The following PRKCE variants were observed in gnomAD, a reference collection of about 807,000 sequenced individuals.
PRKCE encodes protein kinase C epsilon type.
In PRKCE, 16 loss-of-function variants were observed where a neutral mutation model predicts 85.4. The ratio of observed to expected loss-of-function variants is 0.19; its 90% CI spans 0.13 to 0.28. The LOEUF is 0.28. PRKCE is among the 10% of genes least tolerant of loss of function. The pLI, the probability that PRKCE is intolerant of heterozygous loss-of-function variation, is 1.00. For missense variants in PRKCE, 573 were observed against 975.2 expected (o/e 0.59, Z 5.49); for synonymous variants, 388 against 371.5 (o/e 1.04, Z -0.51).
chr2:46,173,839 G>A (rs191477763), intron 14 of PRKCE, among the ~76,000 whole-genome samples: 2 of 152,370 alleles, frequency 1.3e-5, no homozygotes, highest in Admixed American at 6.5e-5. Context: ...GCTGAGTGTA[G>A]GGGAGGAGGT....
intron 2 of PRKCE, among the ~76,000 whole-genome samples, chr2:45,932,191 C>G (rs941246879): frequency 5.9e-5 from 9 of 152,306 alleles, no homozygotes; most frequent in Admixed American, 3.9e-4. Flanking sequence ...ACAGTGTATA[C>G]TGTTGTGTCT....
chr2:45,934,676 G>T (rs1699299192), intron 2 of PRKCE, among the ~76,000 whole-genome samples: 1 of 151,332 alleles, frequency 6.6e-6, no homozygotes, highest in Non-Finnish European at 1.5e-5. Flanking sequence ...CTGCTAAATT[G>T]TGTGAGAAAA....
chr2:45,661,929 A>C (rs1179443809), intron 1 of PRKCE, among the ~76,000 whole-genome samples: 2 of 152,222 alleles, frequency 1.3e-5, no homozygotes, highest in East Asian at 3.9e-4. Context: ...TCCTTTTTGA[A>C]TAGATTTGTT....
chr2:45,999,371 G>A (rs899993266), intron 6 of PRKCE, among the ~76,000 whole-genome samples: 1 of 152,110 alleles, frequency 6.6e-6, no homozygotes, highest in Non-Finnish European at 1.5e-5. Context: ...CTAGGGTGGT[G>A]GGGTTTTTAT....
chr2:45,846,994 T>A lies in PRKCE; in HGVS notation c.412+3931T>A, dbSNP rs72872468. On this transcript the variant is annotated intron_variant, in intron 2 of 14. Coordinates refer to ENST00000306156, the MANE Select transcript of PRKCE (RefSeq NM_005400.3). Reference sequence around the variant, plus strand: ...CAGGGAAACTGTTCAAGGACAGGTTTCTGACGCTGGGGTGGGACATGTTCA... The same window carrying A: ...CAGGGAAACTGTTCAAGGACAGGTTACTGACGCTGGGGTGGGACATGTTCA... Among the ~76,000 whole-genome samples, 536 of 152,312 alleles carry A rather than the reference T, an allele frequency of 3.5e-3. 4 individuals carry two copies. The highest frequency in any genetic ancestry group is 0.012 in the African/African-American group (518 of 41,556).
intron 2 of PRKCE, among the ~76,000 whole-genome samples, chr2:45,930,623 A>T (rs1393812910): frequency 6.6e-6 from 1 of 152,084 alleles, no homozygotes; most frequent in Non-Finnish European, 1.5e-5. Context: ...CTCATCATGA[A>T]CTCTGCTGCC....
chr2:46,024,284 C>G (rs1393307509), intron 10 of PRKCE, among the ~76,000 whole-genome samples: 1 of 151,868 alleles, frequency 6.6e-6, no homozygotes, highest in Non-Finnish European at 1.5e-5. Context: ...AAAACAGACC[C>G]TCTGCTTCCT....
chr2:45,777,737 C>T (rs1685862728), intron 1 of PRKCE, among the ~76,000 whole-genome samples: 1 of 152,092 alleles, frequency 6.6e-6, no homozygotes, highest in South Asian at 2.1e-4. Context: ...TGGATTCAGC[C>T]TGACTGCACA....
Position 45,912,225 on chromosome 2 carries a change from A to G in PRKCE, c.413-64204A>G, listed in dbSNP as rs1313384140. On this transcript the variant is annotated intron_variant, in intron 2 of 14. Transcript: ENST00000306156. ...TCTCTACAACACTCTGAAGATAGGC[A>G]GGGAAGGTGTTATCCCGTGACAGAG... 2.0e-5 allele frequency among the ~76,000 whole-genome samples: 3 copies of G among 152,134 alleles called. No individual in the cohort carries two copies. In the East Asian group the frequency reaches 5.8e-4, roughly 29 times the overall value.
intron 6 of PRKCE, among the ~76,000 whole-genome samples, chr2:45,991,355 G>A (rs1452489946): frequency 2.7e-5 from 4 of 146,006 alleles, no homozygotes; most frequent in Non-Finnish European, 4.5e-5. Context: ...AGGTCCATGA[G>A]GACAGAGATT....
At chr2:45,784,687 G>A (rs529730891) in intron 1 of PRKCE, among the ~76,000 whole-genome samples, 2 of 151,940 alleles carry the variant, frequency 1.3e-5, no homozygotes, top group Non-Finnish European at 2.9e-5. Flanking sequence ...ACTTACAAAA[G>A]TATAACATGA....
At chr2:46,071,474 TTCCTTTTG>T (rs1327944877) in intron 10 of PRKCE, among the ~76,000 whole-genome samples, 18 of 152,326 alleles carry the variant, frequency 1.2e-4, no homozygotes, top group Non-Finnish European at 2.2e-4. Context: ...AAACCAGCAT[TTCCTTTTG>T]TCCAAGTTCA....
Position 45,968,608 on chromosome 2 carries a change from T to C in PRKCE, c.413-7821T>C, listed in dbSNP as rs148374253. ...TTCATCTGTGCAACCAAAAACCATTTGTATCGCAAAGCTATTGAAATAAAA... is the reference window on the plus strand; with the variant it reads ...TTCATCTGTGCAACCAAAAACCATTCGTATCGCAAAGCTATTGAAATAAAA... On this transcript the variant is annotated intron_variant, in intron 2 of 14. Coordinates refer to ENST00000306156, the MANE Select transcript of PRKCE (RefSeq NM_005400.3). Among the ~76,000 whole-genome samples, 455 of 152,312 alleles carry C rather than the reference T, an allele frequency of 3.0e-3. 5 individuals are homozygous for C. Among genetic ancestry groups the C allele is most frequent in the African/African-American group, 0.01 (435 of 41,560 alleles).
rs73926065 is a variant in PRKCE, at chr2:45,765,717, C to T, written c.349-77283C>T. On this transcript the variant is annotated intron_variant, in intron 1 of 14. Coordinates refer to ENST00000306156, the MANE Select transcript of PRKCE (RefSeq NM_005400.3). The stretch of plus-strand genomic sequence containing the variant: ...TAGAACTCTGGACTGTTGACCCCCA[C>T]GTCCTAAGCCCAAAGATGAGACCAC... 8.7e-3 allele frequency among the ~76,000 whole-genome samples: 1,332 copies of T among 152,310 alleles called. 11 individuals are homozygous for T. The highest frequency in any genetic ancestry group is 0.031 in the African/African-American group (1,271 of 41,558).
chr2:46,006,706 A>G (rs535339981), intron 8 of PRKCE, among the ~76,000 whole-genome samples: 3 of 152,368 alleles, frequency 2.0e-5, no homozygotes, highest in African/African-American at 7.2e-5. Context: ...AGAAAAGGTC[A>G]GAGGATCATC....
intron 2 of PRKCE, among the ~76,000 whole-genome samples, chr2:45,961,188 G>A (rs1195586573): frequency 6.6e-6 from 1 of 152,088 alleles, no homozygotes. Context: ...CTCTCCATAG[G>A]CAGGAGTGTG....
At chr2:45,881,040 C>T (rs1694846222) in intron 2 of PRKCE, among the ~76,000 whole-genome samples, 2 of 150,288 alleles carry the variant, frequency 1.3e-5, no homozygotes, top group South Asian at 4.2e-4. Context: ...GTAGTCCCAG[C>T]TACTTGGGAG....
chr2:46,009,682 TTTAA>T (rs1705495609), intron 9 of PRKCE, among the ~76,000 whole-genome samples: 1 of 152,212 alleles, frequency 6.6e-6, no homozygotes, highest in Non-Finnish European at 1.5e-5. Context: ...GAGAAATTGT[TTTAA>T]TTGTGTACAA....
Position 46,091,102 on chromosome 2 carries a change from G to A in PRKCE, c.1592+4740G>A, listed in dbSNP as rs557092554. Among the ~76,000 whole-genome samples, 16 of 152,218 alleles carry A rather than the reference G, an allele frequency of 1.1e-4. No homozygotes were observed. In the South Asian group the frequency reaches 1.9e-3, roughly 18 times the overall value. ...TTTCTTTTCCCCCTAGACAGCAGAG[G>A]GTGCTGTCTCTGTGTCCCCTGCTGG... On this transcript the variant is annotated intron_variant, in intron 11 of 14. Transcript: ENST00000306156.
Sources: gnomAD v4.1 joint callset for allele counts (sites outside exome capture counted in the v4.1 genomes callset) on GRCh38, gnomAD v4.1.1 for gene constraint, MANE v1.5 for transcripts, NCBI Gene and HGNC (gene_info 2026-07-23, HGNC 2026-07-21) for gene names.